GH1: variants seen among roughly 807,000 people sequenced by gnomAD.
GH1 encodes growth hormone 1.
A neutral mutation model predicts 24.5 loss-of-function variants in GH1; 13 were observed. The ratio of observed to expected loss-of-function variants is 0.53; its 90% confidence interval spans 0.35 to 0.85. The LOEUF (loss-of-function observed/expected upper bound fraction) is 0.85, where lower values mean the gene tolerates loss of function less well. GH1 is among the 40% of genes least tolerant of loss of function. The probability of loss-of-function intolerance (pLI) is 0.01; values close to 1 mark genes in which losing one functional copy is unlikely to be tolerated. For synonymous variants in GH1, 126 were observed against 116.3 expected, an observed-to-expected ratio of 1.08 and a Z score of -0.54; for missense variants, 294 against 273.2, an observed-to-expected ratio of 1.08 and a Z score of -0.54.
chr17:63,917,446 C>A lies in GH1; in HGVS notation c.517G>T (p.Asp173Tyr). ...QIFKQTYSKFDTNSHNDDALL... is the reference protein window; with the variant it reads ...QIFKQTYSKFYTNSHNDDALL... ...GCGTCATCGTTGTGTGAGTTTGTGTCGAACTTGCTGTAGGTCTGCTTGAAG... is the reference window on the plus strand; with the variant it reads ...GCGTCATCGTTGTGTGAGTTTGTGTAGAACTTGCTGTAGGTCTGCTTGAAG... Residue 173 changes from aspartate to tyrosine, a missense_variant, in exon 5 of 5, where the codon GAC becomes TAC. Coordinates refer to ENST00000323322, the MANE Select transcript of GH1 (RefSeq NM_000515.5). The A allele has an allele frequency of 1.2e-6, 2 of 1,613,952 alleles. No homozygotes were observed. Among genetic ancestry groups the A allele is most frequent in the East Asian group, 2.2e-5 (1 of 44,876 alleles).
intron 2 of GH1, 68 bp downstream of exon 2, chr17:63,918,278 A>G (rs1334986791): frequency 2.5e-6 from 4 of 1,610,380 alleles, no homozygotes; most frequent in Non-Finnish European, 3.4e-6. Flanking sequence ...TCCTCCTCTT[A>G]TTTCCCAGCG....
rs749195779 is a variant in GH1, at chr17:63,917,284, G to T, written c.*25C>A. 4 of 1,613,870 alleles carry T rather than the reference G, an allele frequency of 2.5e-6. No individual in the cohort carries two copies. Among genetic ancestry groups the T allele is most frequent in the Non-Finnish European group, 3.4e-6 (4 of 1,179,920 alleles). On this transcript the variant is annotated 3_prime_UTR_variant, in exon 5 of 5. Transcript: ENST00000323322. ...AGGGCCAGGAGAGGCACTGGGGAGG[G>T]GTCACAGGGATGCCACCCGGGCAGC...
In GH1 at chr17:63,918,533, G is replaced by C. The variant is rs1402450149; in HGVS notation, c.11-27C>G. The C allele has an allele frequency of 2.5e-6, 4 of 1,613,526 alleles. No homozygotes were observed. The Admixed American group carries it at 5.0e-5, about 20-fold the overall frequency. On this transcript the variant is annotated intron_variant, in intron 1 of 4. Coordinates refer to ENST00000323322, the MANE Select transcript of GH1 (RefSeq NM_000515.5). ...TGGGGAGAAACCAGAGGGCAACAGA[G>C]GGAGCCGGAGAGCAAGAGGCCAGCA...
chr17:63,917,265 A>C lies in GH1; in HGVS notation c.*44T>G. 1 of 1,613,910 alleles carries C rather than the reference A, an allele frequency of 6.2e-7. No individual in the cohort carries two copies. On this transcript the variant is annotated 3_prime_UTR_variant, in exon 5 of 5. Transcript: ENST00000323322. ...CACTGGAGTGGCAACTTCCAGGGCCAGGAGAGGCACTGGGGAGGGGTCACA... is the reference window on the plus strand; with the variant it reads ...CACTGGAGTGGCAACTTCCAGGGCCCGGAGAGGCACTGGGGAGGGGTCACA...
chr17:63,917,717 T>A (rs1335033995), intron 4 of GH1, 43 bp downstream of exon 4: 5 of 1,614,022 alleles, frequency 3.1e-6, no homozygotes, highest in Non-Finnish European at 4.2e-6. Context: ...GCTCTCAAAG[T>A]CAGTGGGGCT....
At chr17:63,917,972 T>G in intron 3 of GH1, 45 bp downstream of exon 3, 1 of 1,614,184 alleles carries the variant, frequency 6.2e-7, no homozygotes, top group Non-Finnish European at 8.5e-7. Flanking sequence ...GGGCTCTGAC[T>G]ACAGGTCTCC....
In GH1 at chr17:63,917,228, A is replaced by G; in HGVS notation, c.*81T>C. On this transcript the variant is annotated 3_prime_UTR_variant, in exon 5 of 5. Transcript: ENST00000323322. The stretch of plus-strand genomic sequence containing the variant: ...TGATGCAACTTAATTTTATTAGGAC[A>G]AGGCTGGTGGGCACTGGAGTGGCAA... 1.2e-6 allele frequency: 2 copies of G among 1,605,514 alleles called. No individual in the cohort carries two copies. The highest frequency in any genetic ancestry group is 1.7e-6 in the Non-Finnish European group (2 of 1,172,612).
chr17:63,917,717 T>C, intron 4 of GH1, 43 bp downstream of exon 4: 5 of 1,614,140 alleles, frequency 3.1e-6, no homozygotes, highest in Non-Finnish European at 4.2e-6. Context: ...GCTCTCAAAG[T>C]CAGTGGGGCT....
intron 4 of GH1, 53 bp from the exon 5 acceptor site, chr17:63,917,559 C>A (rs1907409722): frequency 1.9e-6 from 3 of 1,613,840 alleles, no homozygotes; most frequent in Admixed American, 3.3e-5. Context: ...ACTGTTCCCT[C>A]CCTTTCTCAT....
Position 63,918,791 on chromosome 17 carries a change from C to A in GH1, c.-15G>T, listed in dbSNP as rs752877135. The A allele has an allele frequency of 6.2e-7, 1 of 1,613,990 alleles. No homozygotes were observed. The highest frequency in any genetic ancestry group is 2.2e-5 in the East Asian group (1 of 44,888). On this transcript the variant is annotated 5_prime_UTR_variant, in exon 1 of 5. Transcript: ENST00000323322. ...CCTGTAGCCATTGCAGCTAGGTGAG[C>A]TGTCCACAGGACCCTGAGTGGTTCG...
intron 1 of GH1, 81 bp from the exon 2 acceptor site, chr17:63,918,587 TTC>T (rs1555596774): frequency 1.2e-6 from 2 of 1,611,290 alleles, no homozygotes; most frequent in African/African-American, 1.3e-5. Context: ...CTGTTTGTTT[TTC>T]TCTCTCCATC....
Position 63,918,524 on chromosome 17 carries a change from G to C in GH1, c.11-18C>G. The C allele has an allele frequency of 6.2e-7, 1 of 1,613,702 alleles. No individual in the cohort carries two copies. The highest frequency in any genetic ancestry group is 2.2e-5 in the East Asian group (1 of 44,886). ...CCGGGAGCCTGGGGAGAAACCAGAG[G>C]GCAACAGAGGGAGCCGGAGAGCAAG... On this transcript the variant is annotated intron_variant, in intron 1 of 4. Coordinates refer to ENST00000323322, the MANE Select transcript of GH1 (RefSeq NM_000515.5).
intron 1 of GH1, 108 bp downstream of exon 1, chr17:63,918,659 C>A (rs547241438): frequency 2.4e-5 from 39 of 1,610,890 alleles, no homozygotes; most frequent in East Asian, 1.1e-4. Flanking sequence ...TGGCGATACT[C>A]ACATTCAGAA....
intron 4 of GH1, 95 bp downstream of exon 4, chr17:63,917,665 G>A (rs1410523367): frequency 1.9e-6 from 3 of 1,614,018 alleles, no homozygotes; most frequent in East Asian, 2.2e-5. Context: ...TTGGGTCAGG[G>A]CCTGACTGCT....
intron 2 of GH1, 73 bp from the exon 3 acceptor site, chr17:63,918,209 T>G: frequency 3.7e-6 from 6 of 1,613,292 alleles, no homozygotes; most frequent in Non-Finnish European, 5.1e-6. Context: ...GGAACCTCAC[T>G]CAGCGTGTGC....
In GH1 at chr17:63,918,010, C is replaced by A. The variant is rs1907466288; in HGVS notation, c.291+7G>T. The stretch of plus-strand genomic sequence containing the variant: ...CATCCCCGCCTGGGGAGAAGGCATC[C>A]ACTCACGGATTTCTGTTGTGTTTCC... On this transcript the variant is annotated splice_region_variant and intron_variant, in intron 3 of 4. Coordinates refer to ENST00000323322, the MANE Select transcript of GH1 (RefSeq NM_000515.5). The A allele has an allele frequency of 6.2e-7, 1 of 1,614,062 alleles. No homozygotes were observed.
intron 2 of GH1, 83 bp from the exon 3 acceptor site, chr17:63,918,219 C>T: frequency 6.2e-7 from 1 of 1,612,260 alleles, no homozygotes; most frequent in Non-Finnish European, 8.5e-7. Context: ...TCAGCGTGTG[C>T]TCATCTGCCT....
rs746437614 is a variant in GH1 at position 63,917,433 on chromosome 17, T to C, written c.530A>G (p.His177Arg). 6 of 1,613,978 alleles carry C rather than the reference T, an allele frequency of 3.7e-6. No individual in the cohort carries two copies. The highest frequency in any genetic ancestry group is 4.5e-5 in the East Asian group (2 of 44,878). ...GTTCTTGAGTAGTGCGTCATCGTTG[T>C]GTGAGTTTGTGTCGAACTTGCTGTA... ...QTYSKFDTNSHNDDALLKNYG... is the reference protein window; with the variant it reads ...QTYSKFDTNSRNDDALLKNYG... The change falls in exon 5 of 5, where the codon CAC becomes CGC. Residue 177 changes from histidine (H) to arginine (R), a missense_variant. Physicochemically the swap from His to Arg is conservative, Grantham distance 29. Transcript: ENST00000323322.
chr17:63,918,422 A>G lies in GH1; in HGVS notation c.95T>C (p.Leu32Ser), dbSNP rs772909638. 2.5e-6 allele frequency: 4 copies of G among 1,614,116 alleles called. No individual in the cohort carries two copies. The African/African-American group carries it at 4.0e-5, about 16-fold the overall frequency. The change falls in exon 2 of 5, where the codon TTA becomes TCA. Residue 32 changes from leucine (L) to serine (S), a missense_variant. Transcript: ENST00000323322. ...CATAGCGTTGTCAAAAAGCCTGGAT[A>G]AGGGAATGGTTGGGAAGGCACTGCC... ...QEGSAFPTIP[L>S]SRLFDNAMLR...
Sources: gnomAD v4.1 joint callset for allele counts on GRCh38, gnomAD v4.1.1 for gene constraint, MANE v1.5 for transcripts, NCBI Gene and HGNC (gene_info 2026-07-23, HGNC 2026-07-21) for gene names.